Variants in OSBPL10 observed in about 807,000 individuals in gnomAD.
OSBPL10 encodes oxysterol-binding protein-related protein 10.
A neutral mutation model predicts 81.7 loss-of-function variants in OSBPL10; 49 were observed. The ratio of observed to expected loss-of-function variants is 0.60; its 90% confidence interval spans 0.48 to 0.76. OSBPL10 has a LOEUF of 0.76. Among genes scored for constraint, OSBPL10 ranks in the 30% least tolerant of loss-of-function variants. OSBPL10 has a pLI of 0.00. For synonymous variants in OSBPL10, 419 were observed against 383.6 expected, an observed-to-expected ratio of 1.09 and a Z score of -1.08; for missense variants, 923 against 987.8, an observed-to-expected ratio of 0.93 and a Z score of 0.88.
chr3:31,782,556 A>G (rs540597394), intron 4 of OSBPL10, among the ~76,000 whole-genome samples: 1 of 152,370 alleles, frequency 6.6e-6, no homozygotes, highest in South Asian at 2.1e-4. Flanking sequence ...ACAAAGGACT[A>G]ATATGCAGAA....
chr3:31,892,337 G>A (rs1254943892), intron 1 of OSBPL10, among the ~76,000 whole-genome samples: 2 of 152,200 alleles, frequency 1.3e-5, no homozygotes, highest in Non-Finnish European at 2.9e-5. Context: ...ACAAGGCGTG[G>A]CGGGACTTTA....
chr3:32,030,989 A>T (rs1395324783), intron 2 of OSBPL10, among the ~76,000 whole-genome samples: 1 of 152,046 alleles, frequency 6.6e-6, no homozygotes, highest in Admixed American at 6.6e-5. Context: ...AACATGGTAA[A>T]ACCTCGTCTC....
chr3:31,781,589 A>G (rs889003932), intron 4 of OSBPL10, among the ~76,000 whole-genome samples: 2 of 152,242 alleles, frequency 1.3e-5, no homozygotes, highest in African/African-American at 4.8e-5. Flanking sequence ...TAGATCTGAT[A>G]AATGAATTCA....
chr3:31,772,284 G>A (rs977126505), intron 4 of OSBPL10, among the ~76,000 whole-genome samples: 2 of 152,124 alleles, frequency 1.3e-5, no homozygotes, highest in Admixed American at 6.5e-5. Context: ...AAAACCAGCC[G>A]TTCCACATAA....
At chr3:31,920,008 T>C (rs1024208535) in intron 1 of OSBPL10, among the ~76,000 whole-genome samples, 2 of 152,236 alleles carry the variant, frequency 1.3e-5, no homozygotes, top group African/African-American at 4.8e-5. Context: ...AGCAGAATAA[T>C]AGAATAATGA....
chr3:32,051,874 T>C (rs1054154617), intron 1 of OSBPL10, among the ~76,000 whole-genome samples: 3 of 152,200 alleles, frequency 2.0e-5, no homozygotes, highest in African/African-American at 7.2e-5. Flanking sequence ...AATTCAAATG[T>C]TTTGTCAGAA....
intron 3 of OSBPL10, among the ~76,000 whole-genome samples, chr3:31,865,186 G>T (rs752266383): frequency 6.6e-6 from 1 of 152,156 alleles, no homozygotes; most frequent in Non-Finnish European, 1.5e-5. Flanking sequence ...TCCCTTCTTA[G>T]AAACCATTAA....
intron 4 of OSBPL10, among the ~76,000 whole-genome samples, chr3:31,791,682 C>T (rs561749189): frequency 3.3e-5 from 5 of 151,112 alleles, no homozygotes; most frequent in African/African-American, 7.3e-5. Context: ...AAGCTGTGTA[C>T]GGCCAAAGTA....
chr3:31,940,439 G>A (rs560481754), intron 1 of OSBPL10, among the ~76,000 whole-genome samples: 12 of 152,318 alleles, frequency 7.9e-5, no homozygotes, highest in Admixed American at 1.3e-4. Context: ...AATGGGCACT[G>A]GGGAATTTTC....
chr3:31,814,711 G>A (rs373714664), intron 4 of OSBPL10, among the ~76,000 whole-genome samples: 2 of 152,262 alleles, frequency 1.3e-5, no homozygotes, highest in African/African-American at 4.8e-5. Flanking sequence ...ATAACTGTGA[G>A]GAAATACATT....
chr3:31,662,917 G>A, intron 11 of OSBPL10: 1 of 985,392 alleles, frequency 1.0e-6, no homozygotes, highest in African/African-American at 1.7e-5. Flanking sequence ...TCCCACACAG[G>A]GTCCCCACTC....
chr3:31,944,877 G>A, intron 1 of OSBPL10, among the ~76,000 whole-genome samples: 1 of 135,520 alleles, frequency 7.4e-6, no homozygotes, highest in Admixed American at 7.8e-5. Context: ...AAAAGGCCAG[G>A]CACAGTGGCT....
chr3:31,742,480 G>A (rs891811409), intron 5 of OSBPL10, among the ~76,000 whole-genome samples: 7 of 152,170 alleles, frequency 4.6e-5, no homozygotes, highest in Admixed American at 6.5e-5. Flanking sequence ...CTATTCTCTT[G>A]ATCTTTTGTC....
chr3:31,784,825 C>T (rs919059623), intron 4 of OSBPL10, among the ~76,000 whole-genome samples: 3 of 146,352 alleles, frequency 2.0e-5, no homozygotes, highest in East Asian at 2.0e-4. Flanking sequence ...CCAAGTGATT[C>T]GCCCATCTTG....
chr3:31,670,506 A>T (rs2125512302), intron 9 of OSBPL10, among the ~76,000 whole-genome samples: 1 of 152,300 alleles, frequency 6.6e-6, no homozygotes, highest in South Asian at 2.1e-4. Flanking sequence ...GCAAAGCAAC[A>T]AACTGTGGCT....
chr3:31,957,343 CA>C (rs1367626262), intron 1 of OSBPL10, among the ~76,000 whole-genome samples: 6 of 152,110 alleles, frequency 3.9e-5, no homozygotes, highest in Non-Finnish European at 8.8e-5. Flanking sequence ...CTCCCCTGAG[CA>C]CAGTTATGAG....
chr3:31,716,562 T>C (rs1459230109), intron 6 of OSBPL10, among the ~76,000 whole-genome samples: 6 of 152,174 alleles, frequency 3.9e-5, no homozygotes, highest in African/African-American at 1.2e-4. Context: ...GCAGGTGTGA[T>C]AGGGGCCTGG....
At chr3:31,758,604 G>T (rs530411292) in intron 4 of OSBPL10, among the ~76,000 whole-genome samples, 1 of 152,192 alleles carries the variant, frequency 6.6e-6, no homozygotes, top group African/African-American at 2.4e-5. Context: ...CACTGACCAC[G>T]AGAGTGGTTC....
chr3:31,768,769 C>T (rs1026094059), intron 4 of OSBPL10, among the ~76,000 whole-genome samples: 2 of 152,184 alleles, frequency 1.3e-5, no homozygotes, highest in African/African-American at 4.8e-5. Flanking sequence ...CAAGGCAATT[C>T]CTCTAGTTAA....
Sources: allele counts gnomAD v4.1 joint callset (sites outside exome capture counted in the v4.1 genomes callset), GRCh38; gene constraint gnomAD v4.1.1; transcripts MANE v1.5; gene names NCBI Gene and HGNC (gene_info 2026-07-23, HGNC 2026-07-21).